The following NEK11 variants were observed in gnomAD, a reference collection of about 807,000 sequenced individuals.
NEK11 encodes serine/threonine-protein kinase Nek11.
NEK11 carries 72 observed loss-of-function variants against 80.7 expected under a neutral mutation model. The observed-to-expected ratio is 0.89, with a 90% CI of 0.74 to 1.08. The LOEUF (loss-of-function observed/expected upper bound fraction) is 1.08. Among genes scored for constraint, NEK11 ranks in the 50% least tolerant of loss-of-function variants. The probability of loss-of-function intolerance (pLI) is 0.00; values close to 1 mark genes in which losing one functional copy is unlikely to be tolerated. For synonymous variants in NEK11, 251 were observed against 260.7 expected (o/e 0.96, Z 0.36); for missense variants, 764 against 763.6 (o/e 1.00, Z -0.01).
intron 14 of NEK11, among the ~76,000 whole-genome samples, chr3:131,199,153 A>T (rs2094138668): frequency 6.6e-6 from 1 of 152,208 alleles, no homozygotes; most frequent in African/African-American, 2.4e-5. Flanking sequence ...ATAAAGATAA[A>T]AGACAAATGA....
chr3:131,096,239 T>A (rs1357753856), intron 4 of NEK11, among the ~76,000 whole-genome samples: 1 of 151,970 alleles, frequency 6.6e-6, no homozygotes. Context: ...TATATCCATG[T>A]GTGCTCAATG....
intron 14 of NEK11, among the ~76,000 whole-genome samples, chr3:131,212,719 A>G (rs189790412): frequency 4.6e-5 from 7 of 152,332 alleles, no homozygotes; most frequent in South Asian, 2.1e-4. Context: ...TGCAGCCTGC[A>G]TGGAAGATCT....
intron 15 of NEK11, among the ~76,000 whole-genome samples, chr3:131,241,692 G>GT (rs954270171): frequency 2.0e-4 from 30 of 151,870 alleles, no homozygotes; most frequent in Admixed American, 6.6e-4. Flanking sequence ...ACATTGTACT[G>GT]TTTTTTTGTG....
chr3:131,174,664 C>T (rs2092903050), intron 14 of NEK11: 1 of 1,183,024 alleles, frequency 8.5e-7, no homozygotes, highest in Non-Finnish European at 1.2e-6. Context: ...AAGAAATTAT[C>T]CCCATTTAAC....
chr3:131,155,672 C>G (rs2090529302), intron 10 of NEK11, among the ~76,000 whole-genome samples: 1 of 152,144 alleles, frequency 6.6e-6, no homozygotes, highest in Non-Finnish European at 1.5e-5. Flanking sequence ...CTATAACTTG[C>G]AAGAACCCAG....
intron 5 of NEK11, among the ~76,000 whole-genome samples, chr3:131,131,152 A>T (rs2084391309): frequency 6.6e-6 from 1 of 152,210 alleles, no homozygotes; most frequent in African/African-American, 2.4e-5. Context: ...TTTTTCATCT[A>T]CATTCATCAG....
intron 17 of NEK11, among the ~76,000 whole-genome samples, chr3:131,324,537 A>G (rs577436445): frequency 9.2e-5 from 14 of 152,294 alleles, no homozygotes; most frequent in African/African-American, 3.4e-4. Flanking sequence ...CTTTGCTTCT[A>G]CTTCAGTAAA....
intron 3 of NEK11, among the ~76,000 whole-genome samples, chr3:131,031,247 AG>A (rs2064801846): frequency 6.6e-6 from 1 of 152,208 alleles, no homozygotes; most frequent in South Asian, 2.1e-4. Context: ...TTTCTACATG[AG>A]GGATGATAAA....
intron 13 of NEK11, among the ~76,000 whole-genome samples, chr3:131,169,892 TTC>T (rs1334875425): frequency 6.6e-6 from 1 of 152,220 alleles, no homozygotes; most frequent in Non-Finnish European, 1.5e-5. Context: ...ATCTGTAAAG[TTC>T]TCTGTGTGCT....
intron 16 of NEK11, among the ~76,000 whole-genome samples, chr3:131,269,470 T>C (rs1269173902): frequency 6.6e-6 from 1 of 152,104 alleles, no homozygotes; most frequent in Non-Finnish European, 1.5e-5. Flanking sequence ...TGGGCCAGAG[T>C]GCACCATTCC....
intron 5 of NEK11, among the ~76,000 whole-genome samples, chr3:131,116,624 C>G (rs1463492167): frequency 6.6e-6 from 1 of 152,202 alleles, no homozygotes; most frequent in African/African-American, 2.4e-5. Context: ...TCTCCACATC[C>G]TCTCCAGCAC....
At chr3:131,251,201 A>C (rs1255431761) in intron 16 of NEK11, among the ~76,000 whole-genome samples, 11 of 85,526 alleles carry the variant, frequency 1.3e-4, no homozygotes, top group African/African-American at 8.5e-4. Flanking sequence ...AGGTAAATAC[A>C]AAAAAAAAAA....
At chr3:131,255,144 A>G (rs1266942724) in intron 16 of NEK11, among the ~76,000 whole-genome samples, 1 of 149,800 alleles carries the variant, frequency 6.7e-6, no homozygotes, top group Non-Finnish European at 1.5e-5. Flanking sequence ...AAGAACAGCT[A>G]ATTTCCCAAA....
intron 15 of NEK11, among the ~76,000 whole-genome samples, chr3:131,230,878 G>T (rs188117925): frequency 2.3e-4 from 35 of 152,206 alleles, no homozygotes; most frequent in African/African-American, 6.5e-4. Flanking sequence ...ATGATGGGGT[G>T]GTTTCCCCAG....
chr3:131,206,542 A>C (rs1188506957), intron 14 of NEK11, among the ~76,000 whole-genome samples: 1 of 152,244 alleles, frequency 6.6e-6, no homozygotes, highest in Non-Finnish European at 1.5e-5. Context: ...ATTCAATTAA[A>C]ATGAATACAA....
At chr3:131,301,019 A>G (rs1005051474) in intron 17 of NEK11, among the ~76,000 whole-genome samples, 3 of 152,034 alleles carry the variant, frequency 2.0e-5, no homozygotes, top group African/African-American at 4.8e-5. Context: ...AGTATGAAAT[A>G]TTTTTTCTAT....
chr3:131,345,901 C>T (rs1015565643), intron 17 of NEK11, among the ~76,000 whole-genome samples: 24 of 151,420 alleles, frequency 1.6e-4, no homozygotes, highest in South Asian at 2.1e-4. Context: ...GAGGACATTA[C>T]GCTAAGTGAA....
At chr3:131,056,969 G>T (rs1216751271) in intron 3 of NEK11, among the ~76,000 whole-genome samples, 1 of 151,086 alleles carries the variant, frequency 6.6e-6, no homozygotes, top group Non-Finnish European at 1.5e-5. Context: ...CATGTGCCAT[G>T]CTGGTGTGCT....
intron 17 of NEK11, among the ~76,000 whole-genome samples, chr3:131,293,675 A>G (rs1173335704): frequency 6.6e-6 from 1 of 151,998 alleles, no homozygotes; most frequent in Admixed American, 6.6e-5. Flanking sequence ...GAATTGTTAT[A>G]ATTTCTTCCT....
Sources: gnomAD v4.1 joint callset for allele counts (sites outside exome capture counted in the v4.1 genomes callset) on GRCh38, gnomAD v4.1.1 for gene constraint, MANE v1.5 for transcripts, NCBI Gene and HGNC (gene_info 2026-07-23, HGNC 2026-07-21) for gene names.